The following DPYSL2 variants were observed in gnomAD, a reference collection of about 807,000 sequenced individuals.
DPYSL2 encodes the protein dihydropyrimidinase like 2.
In DPYSL2, 13 loss-of-function variants were observed where a neutral mutation model predicts 69.9. The ratio of observed to expected loss-of-function variants is 0.19; its 90% CI spans 0.12 to 0.30. The LOEUF is 0.30. Among genes scored for constraint, DPYSL2 ranks in the 10% least tolerant of loss-of-function variants. The pLI is 1.00. For synonymous variants in DPYSL2, 326 were observed against 359.1 expected (o/e 0.91, Z 1.04); for missense variants, 587 against 918.9 (o/e 0.64, Z 4.67).
At chr8:26,625,404 G>A (rs1014649545) in intron 4 of DPYSL2, among the ~76,000 whole-genome samples, 2 of 152,162 alleles carry the variant, frequency 1.3e-5, no homozygotes, top group Non-Finnish European at 2.9e-5. Flanking sequence ...CAGGCAGGAG[G>A]GTTACCATGG....
intron 3 of DPYSL2, among the ~76,000 whole-genome samples, chr8:26,590,879 T>C (rs944230571): frequency 1.7e-4 from 26 of 152,184 alleles, no homozygotes; most frequent in African/African-American, 5.1e-4. Context: ...AAGGGAGTCA[T>C]TGGGTTGGGC....
At chr8:26,524,536 G>A (rs1179147820) in intron 1 of DPYSL2, among the ~76,000 whole-genome samples, 2 of 152,004 alleles carry the variant, frequency 1.3e-5, no homozygotes, top group African/African-American at 4.8e-5. Flanking sequence ...GCTAGCTCAT[G>A]CCTGTAATCT....
At chr8:26,520,822 G>T (rs1038203994) in intron 1 of DPYSL2, among the ~76,000 whole-genome samples, 16 of 152,064 alleles carry the variant, frequency 1.1e-4, no homozygotes, top group Non-Finnish European at 1.5e-4. Flanking sequence ...TGGCAGATCT[G>T]GTGTCTGGTG....
chr8:26,591,252 G>A lies in DPYSL2; in HGVS notation c.628+7269G>A, dbSNP rs1003619656. On this transcript the variant is annotated intron_variant, in intron 3 of 13. Transcript: ENST00000521913. The surrounding 1 kb of genome is among the most constrained non-coding windows in gnomAD (Gnocchi z 5.8). ...TGGGAACTTCCTGTCGATCCTGCTG[G>A]CCTGATTGACAGCTGGAACCGGGAG... Among the ~76,000 whole-genome samples the A allele has an allele frequency of 1.5e-4, 23 of 152,246 alleles. No individual in the cohort carries two copies. Among genetic ancestry groups the A allele is most frequent in the African/African-American group, 5.5e-4 (23 of 41,464 alleles).
In DPYSL2 at chr8:26,647,142, G is replaced by C. The variant is rs1810867031; in HGVS notation, c.1426-488G>C. ...TGAAATAATTATAGATTAAGAAGCA[G>C]TTGCAAAGATAGTACAGAGAGAGGT... On this transcript the variant is annotated intron_variant, in intron 10 of 13. Transcript: ENST00000521913. The surrounding 1 kb of genome is among the most constrained non-coding windows in gnomAD (Gnocchi z 5.1). 1.3e-5 allele frequency among the ~76,000 whole-genome samples: 2 copies of C among 152,160 alleles called. No individual in the cohort carries two copies. The highest frequency in any genetic ancestry group is 2.9e-5 in the Non-Finnish European group (2 of 68,026).
intron 1 of DPYSL2, among the ~76,000 whole-genome samples, chr8:26,529,240 C>CTATT (rs928861665): frequency 3.7e-4 from 30 of 81,504 alleles, no homozygotes; most frequent in African/African-American, 9.4e-4. Context: ...TTAAATCTAT[C>CTATT]TATCTATCTA....
intron 1 of DPYSL2, among the ~76,000 whole-genome samples, chr8:26,523,109 CCTT>C (rs955352477): frequency 1.7e-4 from 25 of 151,150 alleles, no homozygotes; most frequent in Admixed American, 1.5e-3. Context: ...GTAAAAAACT[CCTT>C]CTTTGTGTGT....
At chr8:26,532,714 C>A (rs944476585) in intron 1 of DPYSL2, among the ~76,000 whole-genome samples, 2 of 152,150 alleles carry the variant, frequency 1.3e-5, no homozygotes, top group Admixed American at 1.3e-4. Flanking sequence ...TGTTCCTTTT[C>A]GTGGTGAATG....
At position 26,517,411 on chromosome 8, in the gene DPYSL2, G is replaced by A. The variant is rs532916616; in HGVS notation, c.354+2732G>A. Among the ~76,000 whole-genome samples, 1 of 152,358 alleles carries A rather than the reference G, an allele frequency of 6.6e-6. No individual in the cohort carries two copies. Among genetic ancestry groups the A allele is most frequent in the Non-Finnish European group, 1.5e-5 (1 of 68,032 alleles). On this transcript the variant is annotated intron_variant, in intron 1 of 13. Transcript: ENST00000521913. This position sits in a 1 kb window ranked among gnomAD's most constrained non-coding sequence, Gnocchi z 4.2. ...TTGGCGGAGGAAAAGAGCTGGCATA[G>A]TGGTTGTGAATGAGGAAAGCCTCTA...
chr8:26,548,911 G>A (rs986110163), intron 1 of DPYSL2, among the ~76,000 whole-genome samples: 2 of 151,422 alleles, frequency 1.3e-5, no homozygotes, highest in African/African-American at 4.9e-5. Flanking sequence ...AAAATAGGCC[G>A]GGCGCAGTGG....
rs1438488036 is a variant in DPYSL2, at chr8:26,597,222, G to A, written c.628+13239G>A. On this transcript the variant is annotated intron_variant, in intron 3 of 13. Transcript: ENST00000521913. The surrounding 1 kb of genome is among the most constrained non-coding windows in gnomAD (Gnocchi z 5.2). The stretch of plus-strand genomic sequence containing the variant: ...AGGGGGATTTGGAGAGCAATCAAGA[G>A]GAGTAACTGATGCCATGCATTCATC... Among the ~76,000 whole-genome samples the A allele has an allele frequency of 6.6e-6, 1 of 152,198 alleles. No homozygotes were observed. The highest frequency in any genetic ancestry group is 1.5e-5 in the Non-Finnish European group (1 of 68,046).
chr8:26,627,145 GAGATGATTGTCTTTGTGAACAGGA>G lies in DPYSL2; in HGVS notation c.856-64_856-41del, dbSNP rs1802637555. On this transcript the variant is annotated intron_variant, in intron 5 of 13. Coordinates refer to ENST00000521913, the MANE Select transcript of DPYSL2 (RefSeq NM_001197293.3). The surrounding 1 kb of genome is among the most constrained non-coding windows in gnomAD (Gnocchi z 6.9). Reference sequence around the variant, plus strand: ...TCATCCCAGAAATGCCTCTGGTGGGGAGATGATTGTCTTTGTGAACAGGAAGATGGAAGTCCCTGTCTCTGATCC... The same window carrying G: ...TCATCCCAGAAATGCCTCTGGTGGGGAGATGGAAGTCCCTGTCTCTGATCC... 1.3e-5 allele frequency: 19 copies of G among 1,419,646 alleles called. No homozygotes were observed. In the South Asian group the frequency reaches 2.1e-4, roughly 16 times the overall value. 87.9% of individuals were successfully genotyped at this position (1,419,646 alleles called of 1,614,324 possible). A position where few individuals can be genotyped will look rare whatever the true frequency, so the allele number is the denominator to read the frequency against.
intron 1 of DPYSL2, among the ~76,000 whole-genome samples, chr8:26,551,167 C>T (rs557645230): frequency 4.1e-4 from 62 of 152,324 alleles, no homozygotes; most frequent in Admixed American, 1.1e-3. Context: ...CCTACTGACG[C>T]GCTGAGAATA....
intron 1 of DPYSL2, among the ~76,000 whole-genome samples, chr8:26,537,408 A>G (rs1800609692): frequency 6.6e-6 from 1 of 152,066 alleles, no homozygotes; most frequent in Admixed American, 6.6e-5. Flanking sequence ...TGTCATATCT[A>G]CCTATAACGT....
chr8:26,600,608 T>C (rs1025510587), intron 3 of DPYSL2, among the ~76,000 whole-genome samples: 1 of 152,054 alleles, frequency 6.6e-6, no homozygotes, highest in Admixed American at 6.5e-5. Context: ...GAGAACTTGG[T>C]TTGGGTGTGT....
intron 8 of DPYSL2, among the ~76,000 whole-genome samples, chr8:26,635,163 TGCAAGA>T (rs1461913980): frequency 6.6e-6 from 1 of 152,240 alleles, no homozygotes; most frequent in Non-Finnish European, 1.5e-5. Flanking sequence ...CCAGCCCCCG[TGCAAGA>T]GCTGGACTTA....
rs368178310 is a variant in DPYSL2, at chr8:26,516,985, T to C, written c.354+2306T>C. Among the ~76,000 whole-genome samples, 1 of 152,336 alleles carries C rather than the reference T, an allele frequency of 6.6e-6. No homozygotes were observed. The highest frequency in any genetic ancestry group is 1.9e-4 in the East Asian group (1 of 5,190). The stretch of plus-strand genomic sequence containing the variant: ...CCACCATTTTGACTGAGTTGACTTG[T>C]CATTAGTTGGTTTTCAACGAATGAG... On this transcript the variant is annotated intron_variant, in intron 1 of 13. Transcript: ENST00000521913. The surrounding 1 kb of genome is among the most constrained non-coding windows in gnomAD (Gnocchi z 4.8).
chr8:26,587,052 G>A lies in DPYSL2; in HGVS notation c.628+3069G>A, dbSNP rs553814927. On this transcript the variant is annotated intron_variant, in intron 3 of 13. Coordinates refer to ENST00000521913, the MANE Select transcript of DPYSL2 (RefSeq NM_001197293.3). This position sits in a 1 kb window ranked among gnomAD's most constrained non-coding sequence, Gnocchi z 4.2. ...CTGCCTTTCCCCGGGGGAGGGAATG[G>A]TAATAATACAGGTGAGGAACTGAGG... Among the ~76,000 whole-genome samples, 29 of 152,310 alleles carry A rather than the reference G, an allele frequency of 1.9e-4. No individual in the cohort carries two copies. The East Asian group carries it at 5.4e-3, about 28-fold the overall frequency.
intron 3 of DPYSL2, among the ~76,000 whole-genome samples, chr8:26,618,344 T>G (rs114573485): frequency 0.066 from 10,048 of 151,626 alleles, 377 homozygotes; most frequent in African/African-American, 0.092. Flanking sequence ...AGACAGTCTT[T>G]ATCTGTTGCC....
Sources: gnomAD v4.1 joint callset for allele counts (sites outside exome capture counted in the v4.1 genomes callset) on GRCh38, gnomAD v4.1.1 for gene constraint, Gnocchi (gnomAD v3.1) non-coding constraint, MANE v1.5 for transcripts, NCBI Gene and HGNC (gene_info 2026-07-23, HGNC 2026-07-21) for gene names.